The following PHEX variants were observed in gnomAD, a reference collection of about 807,000 sequenced individuals.
PHEX encodes the protein phosphate-regulating neutral endopeptidase PHEX.
In PHEX, 16 loss-of-function variants were observed where a neutral mutation model predicts 68.0. The ratio of observed to expected loss-of-function variants is 0.24; its 90% CI spans 0.16 to 0.36. PHEX has a LOEUF of 0.36. Ranked by LOEUF, PHEX falls within the 10% of genes least tolerant of loss-of-function variation. PHEX has a pLI of 1.00. For synonymous variants in PHEX, 208 were observed against 205.1 expected (o/e 1.01, Z -0.12); for missense variants, 480 against 575.5 (o/e 0.83, Z 1.70).
chrX:22,103,513 T>C (rs945945538), intron 9 of PHEX, among the ~76,000 whole-genome samples: 1 of 111,003 alleles, frequency 9.0e-6, no homozygotes, highest in East Asian at 2.8e-4. Context: ...GCCTTTGCAT[T>C]CTCGTAGCTT....
chrX:22,102,741 A>G lies in PHEX; in HGVS notation c.1079+3590A>G, dbSNP rs746795755. Among the ~76,000 whole-genome samples, 12 of 112,582 alleles carry G rather than the reference A, an allele frequency of 1.1e-4. No homozygotes were observed. In the South Asian group the frequency reaches 4.0e-3, roughly 38 times the overall value. On this transcript the variant is annotated intron_variant, in intron 9 of 21. Transcript: ENST00000379374. Reference sequence around the variant, plus strand: ...TGAACTTGGGTGTTGCCTGCAAGGCAGGGGGCTAGAGAGCTGAGAGGCCAG... The same window carrying G: ...TGAACTTGGGTGTTGCCTGCAAGGCGGGGGGCTAGAGAGCTGAGAGGCCAG...
chrX:22,054,660 A>G (rs1367367177), intron 3 of PHEX, among the ~76,000 whole-genome samples: 2 of 111,708 alleles, frequency 1.8e-5, no homozygotes, highest in East Asian at 5.6e-4. Flanking sequence ...GGCCACATAG[A>G]AAGCAACAAA....
Position 22,178,387 on chromosome X carries a change from A to G in PHEX, c.1586+11A>G. The G allele has an allele frequency of 9.2e-7, 1 of 1,083,027 alleles. No individual in the cohort carries two copies. Among genetic ancestry groups the G allele is most frequent in the Non-Finnish European group, 1.3e-6 (1 of 782,240 alleles). The allele number at this position is 1,083,027 out of a possible 1,213,427, so 89.3% of individuals were successfully genotyped here. A position where few individuals can be genotyped will look rare whatever the true frequency, so the allele number is the denominator to read the frequency against. ...CGTTCCAAAAACAGAGTGAGTATTA[A>G]ACAAAAAAAGTTAAATAGATAAATA... On this transcript the variant is annotated intron_variant, in intron 14 of 21. Coordinates refer to ENST00000379374, the MANE Select transcript of PHEX (RefSeq NM_000444.6).
chrX:22,099,094 T>C lies in PHEX; in HGVS notation c.1022T>C (p.Val341Ala). The C allele has an allele frequency of 1.7e-6, 2 of 1,208,559 alleles. No homozygotes were observed. The highest frequency in any genetic ancestry group is 2.2e-6 in the Non-Finnish European group (2 of 892,884). The change falls in exon 9 of 22, where the codon GTC becomes GCC. Residue 341 changes from valine to alanine, a missense_variant. Physicochemically the swap from Val to Ala is moderately conservative, Grantham distance 64. Coordinates refer to ENST00000379374, the MANE Select transcript of PHEX (RefSeq NM_000444.6). ...KDISPSENVVVRVPQYFKDLF... is the reference protein window; with the variant it reads ...KDISPSENVVARVPQYFKDLF... Reference sequence around the variant, plus strand: ...ATCAGCCCCTCCGAGAATGTGGTGGTCCGCGTCCCGCAGTACTTTAAAGAT... The same window carrying C: ...ATCAGCCCCTCCGAGAATGTGGTGGCCCGCGTCCCGCAGTACTTTAAAGAT...
At chrX:22,239,597 CA>C (rs1936111564) in intron 20 of PHEX, among the ~76,000 whole-genome samples, 1 of 110,097 alleles carries the variant, frequency 9.1e-6, no homozygotes, top group South Asian at 3.8e-4. Flanking sequence ...GAAGCATACA[CA>C]AGTATCAATA....
At chrX:22,050,100 A>G (rs1200625980) in intron 3 of PHEX, among the ~76,000 whole-genome samples, 1 of 112,280 alleles carries the variant, frequency 8.9e-6, no homozygotes, top group Non-Finnish European at 1.9e-5. Context: ...TGCAATGGAA[A>G]CTGGATGGCC....
chrX:22,085,600 G>C (rs1017490089), intron 5 of PHEX, among the ~76,000 whole-genome samples: 2 of 109,379 alleles, frequency 1.8e-5, no homozygotes, highest in Non-Finnish European at 3.8e-5. Flanking sequence ...AAGATTCCAT[G>C]TGTTTGTGTA....
intron 3 of PHEX, among the ~76,000 whole-genome samples, chrX:22,062,667 G>C (rs1478740467): frequency 9.0e-6 from 1 of 111,368 alleles, no homozygotes; most frequent in African/African-American, 3.3e-5. Flanking sequence ...GGAATTACTA[G>C]GGAGCTTATA....
chrX:22,097,226 C>A (rs1930181621), intron 8 of PHEX, among the ~76,000 whole-genome samples, 188 bp downstream of exon 8: 1 of 112,553 alleles, frequency 8.9e-6, no homozygotes, highest in Non-Finnish European at 1.9e-5. Context: ...GGGAACAAAA[C>A]ATCTTTCCAA....
chrX:22,237,621 G>C (rs1373835420), intron 20 of PHEX, among the ~76,000 whole-genome samples: 2 of 111,591 alleles, frequency 1.8e-5, no homozygotes, highest in African/African-American at 6.5e-5. Flanking sequence ...TCCTACTCAA[G>C]AATGACTTTT....
At chrX:22,060,154 CAA>C (rs34000062) in intron 3 of PHEX, among the ~76,000 whole-genome samples, 10 of 69,888 alleles carry the variant, frequency 1.4e-4, no homozygotes, top group Non-Finnish European at 1.1e-4. Context: ...AGCCCTGTCT[CAA>C]AAAAAAAAAA....
chrX:22,227,193 T>C (rs1284547434), intron 19 of PHEX, among the ~76,000 whole-genome samples: 2 of 112,570 alleles, frequency 1.8e-5, no homozygotes, highest in Non-Finnish European at 3.8e-5. Flanking sequence ...TGTATTGCCA[T>C]AGGGGCCTTG....
At chrX:22,143,902 A>G (rs1165796272) in intron 12 of PHEX, among the ~76,000 whole-genome samples, 1 of 112,354 alleles carries the variant, frequency 8.9e-6, no homozygotes, top group Non-Finnish European at 1.9e-5. Context: ...CCCCAGCTAT[A>G]TATTACTGAA....
At chrX:22,057,892 G>T (rs1454373908) in intron 3 of PHEX, among the ~76,000 whole-genome samples, 1 of 111,855 alleles carries the variant, frequency 8.9e-6, no homozygotes, top group East Asian at 2.8e-4. Context: ...TGCAGTTGTG[G>T]GGGCAGCTGA....
intron 20 of PHEX, among the ~76,000 whole-genome samples, chrX:22,238,945 G>C (rs780901248): frequency 8.9e-6 from 1 of 111,842 alleles, no homozygotes; most frequent in Non-Finnish European, 1.9e-5. Context: ...ATACCTCCCA[G>C]TAAGGGCTGA....
At chrX:22,130,521 C>A (rs1215452952) in intron 11 of PHEX, among the ~76,000 whole-genome samples, 1 of 97,462 alleles carries the variant, frequency 1.0e-5, no homozygotes, top group Non-Finnish European at 2.0e-5. Flanking sequence ...TGCACTCCAG[C>A]CTGGGCGACA....
At chrX:22,221,220 T>C (rs1345804351) in intron 17 of PHEX, among the ~76,000 whole-genome samples, 9 of 111,901 alleles carry the variant, frequency 8.0e-5, no homozygotes, top group Non-Finnish European at 1.5e-4. Flanking sequence ...ATGGATCATT[T>C]GGAATTTCAC....
At chrX:22,165,498 A>G (rs1933282696) in intron 12 of PHEX, among the ~76,000 whole-genome samples, 1 of 111,168 alleles carries the variant, frequency 9.0e-6, no homozygotes, top group African/African-American at 3.3e-5. Context: ...GTGGAGGCAG[A>G]GGCGGAGGCG....
At chrX:22,077,800 A>G (rs904807446) in intron 5 of PHEX, 98 bp downstream of exon 5, 6 of 616,038 alleles carry the variant, frequency 9.7e-6, no homozygotes, top group Admixed American at 2.3e-5. Flanking sequence ...TAGTGAAATA[A>G]TAACATAAAA....
Sources: gnomAD v4.1 joint callset for allele counts (sites outside exome capture counted in the v4.1 genomes callset) on GRCh38, gnomAD v4.1.1 for gene constraint, MANE v1.5 for transcripts, NCBI Gene and HGNC (gene_info 2026-07-23, HGNC 2026-07-21) for gene names.